The following UBAP2 variants were observed in gnomAD, a reference collection of about 807,000 sequenced individuals.
UBAP2 encodes the protein ubiquitin associated protein 2.
UBAP2 carries 75 observed loss-of-function variants against 139.6 expected under a neutral mutation model. The ratio of observed to expected loss-of-function variants is 0.54; its 90% CI spans 0.45 to 0.65. The LOEUF (loss-of-function observed/expected upper bound fraction) is 0.65. Among genes scored for constraint, UBAP2 ranks in the 30% least tolerant of loss-of-function variants. The pLI, the probability that UBAP2 is intolerant of heterozygous loss-of-function variation, is 0.00. For missense variants in UBAP2, 1,368 were observed against 1,369.6 expected (o/e 1.00, Z 0.02); for synonymous variants, 526 against 526.2 (o/e 1.00, Z 0.01).
At chr9:33,956,017 C>T in intron 11 of UBAP2, 62 bp downstream of exon 11, 1 of 1,349,120 alleles carries the variant, frequency 7.4e-7, no homozygotes, top group Non-Finnish European at 1.0e-6. Flanking sequence ...AATACTTTTC[C>T]TGAGGCAAAA....
At chr9:33,978,016 TAAAAAA>T (rs78838897) in intron 6 of UBAP2, among the ~76,000 whole-genome samples, 2 of 118,188 alleles carry the variant, frequency 1.7e-5, no homozygotes, top group African/African-American at 3.2e-5. Context: ...CTCTGTCTTT[TAAAAAA>T]AAAAAAAAAA....
chr9:34,004,243 A>G (rs1822978898), intron 2 of UBAP2, among the ~76,000 whole-genome samples: 1 of 152,196 alleles, frequency 6.6e-6, no homozygotes, highest in African/African-American at 2.4e-5. Context: ...AAAACTTTTT[A>G]ATTACTTAAA....
intron 1 of UBAP2, among the ~76,000 whole-genome samples, chr9:34,024,744 G>A (rs969954120): frequency 1.1e-4 from 16 of 152,174 alleles, no homozygotes; most frequent in African/African-American, 3.9e-4. Context: ...AGCACTTTGG[G>A]AGGCTGAGGC....
intron 17 of UBAP2, among the ~76,000 whole-genome samples, chr9:33,934,675 A>T (rs557730226): frequency 6.6e-6 from 1 of 152,276 alleles, no homozygotes; most frequent in African/African-American, 2.4e-5. Flanking sequence ...TCAAACAAAC[A>T]AACAAAATGG....
intron 12 of UBAP2, chr9:33,952,647 T>C (rs1826196239): frequency 6.5e-6 from 1 of 153,414 alleles, no homozygotes; most frequent in Non-Finnish European, 1.5e-5. Context: ...ATACTAACTA[T>C]AGAGACATAA....
chr9:33,996,607 C>G, intron 3 of UBAP2: 1 of 318,422 alleles, frequency 3.1e-6, no homozygotes, highest in Non-Finnish European at 5.7e-6. Context: ...ACATACGTAC[C>G]AACATTCTCA....
intron 1 of UBAP2, among the ~76,000 whole-genome samples, chr9:34,048,320 AAAG>A (rs1300370381): frequency 6.6e-6 from 1 of 152,222 alleles, no homozygotes. Flanking sequence ...ACAGAATTGA[AAAG>A]AAGTAGAACT....
chr9:34,036,569 G>GT (rs1286698845), intron 1 of UBAP2, among the ~76,000 whole-genome samples: 1 of 152,106 alleles, frequency 6.6e-6, no homozygotes, highest in Non-Finnish European at 1.5e-5. Flanking sequence ...CATTTAAACT[G>GT]TGTGTGTCTG....
chr9:33,941,935 C>G lies in UBAP2; in HGVS notation c.1716-73G>C, dbSNP rs1039214682. 117 of 1,036,516 alleles carry G rather than the reference C, an allele frequency of 1.1e-4. No individual in the cohort carries two copies. The Admixed American group carries it at 2.5e-3, about 22-fold the overall frequency. 64.2% of individuals were successfully genotyped at this position (1,036,516 alleles called of 1,614,324 possible). A position where few individuals can be genotyped will look rare whatever the true frequency, so the allele number is the denominator to read the frequency against. ...CTTCATAAAAAAAAAAAAACATAAA[C>G]AGCTTCACGAGATGCAACTACTGCA... On this transcript the variant is annotated intron_variant, in intron 15 of 28. Transcript: ENST00000379238.
At chr9:34,038,254 G>A (rs1375871591) in intron 1 of UBAP2, among the ~76,000 whole-genome samples, 1 of 151,642 alleles carries the variant, frequency 6.6e-6, no homozygotes, top group African/African-American at 2.4e-5. Flanking sequence ...TTCAAGACCA[G>A]CCTGGCCAAC....
intron 6 of UBAP2, among the ~76,000 whole-genome samples, chr9:33,979,890 G>A (rs905503082): frequency 1.3e-5 from 2 of 150,804 alleles, no homozygotes; most frequent in Admixed American, 6.6e-5. Flanking sequence ...AAGTGTAACC[G>A]GTGAAACCCC....
chr9:34,028,678 C>A (rs531593141), intron 1 of UBAP2, among the ~76,000 whole-genome samples: 130 of 152,136 alleles, frequency 8.5e-4, no homozygotes, highest in African/African-American at 3.0e-3. Context: ...CTGCGACCAG[C>A]CTTAAACCTT....
intron 4 of UBAP2, among the ~76,000 whole-genome samples, chr9:33,989,936 AAAATTTATAAAGCACCT>A: frequency 6.6e-6 from 1 of 152,288 alleles, no homozygotes; most frequent in East Asian, 1.9e-4. Context: ...GGGTTTTTAA[AAAATTTATAAAGCACCT>A]AAATTTTTAA....
At chr9:34,044,530 C>A (rs544769179) in intron 1 of UBAP2, among the ~76,000 whole-genome samples, 1 of 152,128 alleles carries the variant, frequency 6.6e-6, no homozygotes, top group Middle Eastern at 3.4e-3. Context: ...CCACAGCACT[C>A]CAGCCTGGGC....
chr9:33,932,935 C>T (rs569426015), intron 18 of UBAP2, among the ~76,000 whole-genome samples: 1 of 152,310 alleles, frequency 6.6e-6, no homozygotes, highest in Non-Finnish European at 1.5e-5. Context: ...CAATCCCATT[C>T]AATCTGTGAA....
At chr9:33,924,333 C>T (rs374250092) in intron 22 of UBAP2, 49 bp from the exon 23 acceptor site, 5 of 1,562,206 alleles carry the variant, frequency 3.2e-6, no homozygotes, top group Non-Finnish European at 4.4e-6. Flanking sequence ...TGCTTGACTC[C>T]CAGGAGAGCA....
At chr9:34,006,308 T>C (rs1823212201) in intron 2 of UBAP2, among the ~76,000 whole-genome samples, 2 of 148,134 alleles carry the variant, frequency 1.4e-5, no homozygotes, top group African/African-American at 4.9e-5. Flanking sequence ...TAGGCAGAAA[T>C]GTCAAGAGAC....
intron 16 of UBAP2, 74 bp from the exon 17 acceptor site, chr9:33,935,952 C>T: frequency 7.5e-7 from 1 of 1,337,854 alleles, no homozygotes; most frequent in African/African-American, 1.5e-5. Context: ...TTTATACTTT[C>T]TACAACATGT....
Position 33,937,736 on chromosome 9 carries a change from C to T in UBAP2, c.1930-1858G>A, listed in dbSNP as rs561668771. On this transcript the variant is annotated intron_variant, in intron 16 of 28. Transcript: ENST00000379238. ...CAGCCTGGCAAACATGATGAAACCC[C>T]GTCTCTATTTAAAAAATACAAAAAA... Among the ~76,000 whole-genome samples the T allele has an allele frequency of 3.1e-3, 457 of 147,456 alleles. 2 individuals carry two copies. Among genetic ancestry groups the T allele is most frequent in the Middle Eastern group, 7.0e-3 (2 of 284 alleles).
Sources: gnomAD v4.1 joint callset for allele counts (sites outside exome capture counted in the v4.1 genomes callset) on GRCh38, gnomAD v4.1.1 for gene constraint, MANE v1.5 for transcripts, NCBI Gene and HGNC (gene_info 2026-07-23, HGNC 2026-07-21) for gene names.